The following FAM222B variants were observed in gnomAD, a reference collection of about 807,000 sequenced individuals.
FAM222B encodes the protein protein FAM222B.
FAM222B carries 12 observed loss-of-function variants against 38.0 expected under a neutral mutation model. The ratio of observed to expected loss-of-function variants is 0.32; its 90% CI spans 0.20 to 0.51. FAM222B has a LOEUF of 0.51. Ranked by LOEUF, FAM222B falls within the 20% of genes least tolerant of loss-of-function variation. The probability of loss-of-function intolerance (pLI) is 0.97; values close to 1 mark genes in which losing one functional copy is unlikely to be tolerated. For synonymous variants in FAM222B, 329 were observed against 317.2 expected (o/e 1.04, Z -0.40); for missense variants, 716 against 754.2 (o/e 0.95, Z 0.59).
At chr17:28,840,406 T>A (rs951743568) in intron 1 of FAM222B, among the ~76,000 whole-genome samples, 1 of 152,116 alleles carries the variant, frequency 6.6e-6, no homozygotes, top group African/African-American at 2.4e-5. Context: ...TCTCTTTCCA[T>A]AAACACATAG....
chr17:28,851,052 G>A (rs775796570), intron 1 of FAM222B, among the ~76,000 whole-genome samples: 12 of 152,016 alleles, frequency 7.9e-5, no homozygotes, highest in Non-Finnish European at 1.6e-4. Context: ...CCAGGAGGTG[G>A]AGGTTGCAGT....
At chr17:28,841,045 G>A (rs542835017) in intron 1 of FAM222B, among the ~76,000 whole-genome samples, 3 of 151,848 alleles carry the variant, frequency 2.0e-5, no homozygotes, top group South Asian at 2.1e-4. Context: ...CTGTAATCCC[G>A]GCACTTTGAG....
intron 1 of FAM222B, among the ~76,000 whole-genome samples, chr17:28,798,565 A>T (rs2037052110): frequency 6.6e-6 from 1 of 152,134 alleles, no homozygotes; most frequent in Non-Finnish European, 1.5e-5. Flanking sequence ...GTAATTTTTT[A>T]AAAAGCACTT....
intron 1 of FAM222B, among the ~76,000 whole-genome samples, chr17:28,808,454 C>T (rs531754296): frequency 6.6e-6 from 1 of 152,280 alleles, no homozygotes; most frequent in East Asian, 1.9e-4. Context: ...TCACTGAGAA[C>T]AGACTGTAAA....
At chr17:28,822,236 G>A (rs2038251899) in intron 1 of FAM222B, among the ~76,000 whole-genome samples, 1 of 150,464 alleles carries the variant, frequency 6.6e-6, no homozygotes, top group Admixed American at 6.6e-5. Context: ...TGGCCAGGAT[G>A]GTCTCGATCT....
intron 1 of FAM222B, among the ~76,000 whole-genome samples, chr17:28,841,002 G>T (rs1454522218): frequency 2.1e-5 from 3 of 145,924 alleles, no homozygotes; most frequent in Non-Finnish European, 4.5e-5. Flanking sequence ...TAAAAATAAA[G>T]ATAACAAAAT....
intron 2 of FAM222B, among the ~76,000 whole-genome samples, chr17:28,761,301 T>A (rs997391231): frequency 1.3e-5 from 2 of 152,208 alleles, no homozygotes; most frequent in African/African-American, 4.8e-5. Context: ...CTCTCTCGTC[T>A]CTGAGGGAGG....
At chr17:28,821,650 T>C (rs1439498233) in intron 1 of FAM222B, among the ~76,000 whole-genome samples, 1 of 152,076 alleles carries the variant, frequency 6.6e-6, no homozygotes, top group Non-Finnish European at 1.5e-5. Context: ...TTTTTGGAAA[T>C]AGGAGTCCAT....
At chr17:28,763,277 A>G (rs2035172438) in intron 2 of FAM222B, among the ~76,000 whole-genome samples, 1 of 152,232 alleles carries the variant, frequency 6.6e-6, no homozygotes, top group South Asian at 2.1e-4. Context: ...TCGAGAGTCA[A>G]TGAACATTTT....
intron 1 of FAM222B, among the ~76,000 whole-genome samples, chr17:28,803,666 G>C (rs1471728099): frequency 6.6e-6 from 1 of 151,962 alleles, no homozygotes; most frequent in African/African-American, 2.4e-5. Context: ...ATATACTATG[G>C]GGTCAGAAGA....
rs1300088283 is a variant in FAM222B at position 28,797,074 on chromosome 17, C to T, written c.-40-30367G>A. Among the ~76,000 whole-genome samples, 3 of 146,354 alleles carry T rather than the reference C, an allele frequency of 2.0e-5. No homozygotes were observed. In the Admixed American group the frequency reaches 2.1e-4, roughly 10 times the overall value. On this transcript the variant is annotated intron_variant, in intron 1 of 2. Coordinates refer to ENST00000581407, the MANE Select transcript of FAM222B (RefSeq NM_001077498.3). ...CTAGAGTACAATGGTGCGATCTCAG[C>T]TCACTGCAACCTTCCCCTCCTGGGC...
chr17:28,842,513 C>T (rs193161354), intron 1 of FAM222B, among the ~76,000 whole-genome samples, 169 bp downstream of exon 1: 1 of 152,278 alleles, frequency 6.6e-6, no homozygotes, highest in African/African-American at 2.4e-5. Context: ...GCTCTGCGGC[C>T]GGCGACCGGG....
At chr17:28,801,451 C>CAAA (rs766189732) in intron 1 of FAM222B, among the ~76,000 whole-genome samples, 10 of 90,304 alleles carry the variant, frequency 1.1e-4, no homozygotes, top group Admixed American at 2.2e-4. Flanking sequence ...GACTCCGTCT[C>CAAA]AAAAAAAAAA....
chr17:28,841,786 G>A (rs1810913634), intron 1 of FAM222B, among the ~76,000 whole-genome samples: 1 of 152,168 alleles, frequency 6.6e-6, no homozygotes, highest in Admixed American at 6.6e-5. Flanking sequence ...CGGGTGAGGA[G>A]CTGCAAACCG....
chr17:28,811,921 G>C (rs763144678), intron 1 of FAM222B, among the ~76,000 whole-genome samples: 2 of 151,906 alleles, frequency 1.3e-5, no homozygotes, highest in Non-Finnish European at 2.9e-5. Flanking sequence ...TTAAATTACG[G>C]TTTACTGCAT....
chr17:28,764,053 T>C (rs529443958), intron 2 of FAM222B, among the ~76,000 whole-genome samples: 3 of 152,158 alleles, frequency 2.0e-5, no homozygotes, highest in African/African-American at 7.2e-5. Context: ...ACAGTAAATA[T>C]TTACAGAGCC....
chr17:28,792,795 A>AAAAG (rs1567842737), intron 1 of FAM222B, among the ~76,000 whole-genome samples: 2 of 150,282 alleles, frequency 1.3e-5, no homozygotes, highest in African/African-American at 2.4e-5. Flanking sequence ...AAAAAAAAAA[A>AAAAG]AAAGAAAGAA....
chr17:28,813,762 G>T (rs1055091968), intron 1 of FAM222B, among the ~76,000 whole-genome samples: 3 of 150,788 alleles, frequency 2.0e-5, no homozygotes, highest in African/African-American at 7.3e-5. Context: ...TAGCCAGGAC[G>T]GTCTCGATCT....
chr17:28,792,857 C>G (rs985692476), intron 1 of FAM222B, among the ~76,000 whole-genome samples: 4 of 151,328 alleles, frequency 2.6e-5, no homozygotes, highest in Non-Finnish European at 4.4e-5. Flanking sequence ...TGTTAATGAT[C>G]CTCCCTTCTT....
Sources: allele counts gnomAD v4.1 joint callset (sites outside exome capture counted in the v4.1 genomes callset), GRCh38; gene constraint gnomAD v4.1.1; transcripts MANE v1.5; gene names NCBI Gene and HGNC (gene_info 2026-07-23, HGNC 2026-07-21).